Variants in NEDD9 observed in about 807,000 individuals in gnomAD.
NEDD9 encodes the protein neural precursor cell expressed, developmentally down-regulated 9.
In NEDD9, 26 loss-of-function variants were observed where a neutral mutation model predicts 76.6. The ratio of observed to expected loss-of-function variants is 0.34; its 90% CI spans 0.25 to 0.47. NEDD9 has a LOEUF of 0.47. NEDD9 is among the 20% of genes least tolerant of loss of function. NEDD9 has a pLI of 1.00. For synonymous variants in NEDD9, 392 were observed against 414.2 expected, an observed-to-expected ratio of 0.95 and a Z score of 0.65; for missense variants, 937 against 1,058.5, an observed-to-expected ratio of 0.89 and a Z score of 1.59.
intron 3 of NEDD9, among the ~76,000 whole-genome samples, chr6:11,246,654 A>C (rs569787800): frequency 6.6e-6 from 1 of 152,262 alleles, no homozygotes; most frequent in South Asian, 2.1e-4. Context: ...TCAGCTTACC[A>C]AAAATGAGAG....
At chr6:11,317,904 AGCAGGTGGCCCTCCCGAT>A (rs1227162759) in intron 2 of NEDD9, among the ~76,000 whole-genome samples, 1 of 152,192 alleles carries the variant, frequency 6.6e-6, no homozygotes. Context: ...AATTGAGTAA[AGCAGGTGGCCCTCCCGAT>A]GCAGGTGGGC....
chr6:11,276,269 A>G (rs969949234), intron 3 of NEDD9, among the ~76,000 whole-genome samples: 4 of 152,188 alleles, frequency 2.6e-5, no homozygotes, highest in African/African-American at 9.7e-5. Flanking sequence ...ATGCAAGTTA[A>G]TTATTATTAT....
intron 5 of NEDD9, among the ~76,000 whole-genome samples, chr6:11,188,897 A>G (rs1758050520): frequency 6.6e-6 from 1 of 152,088 alleles, no homozygotes; most frequent in African/African-American, 2.4e-5. Flanking sequence ...AAATTAAAAG[A>G]ATGGCAGAAT....
chr6:11,242,420 T>C (rs1250490821), intron 3 of NEDD9, among the ~76,000 whole-genome samples: 1 of 152,136 alleles, frequency 6.6e-6, no homozygotes, highest in Non-Finnish European at 1.5e-5. Flanking sequence ...TCTAACCTGC[T>C]TTTGGAGCTT....
At chr6:11,333,053 A>AG (rs1416178425) in intron 2 of NEDD9, among the ~76,000 whole-genome samples, 1 of 59,128 alleles carries the variant, frequency 1.7e-5, no homozygotes, top group Non-Finnish European at 3.2e-5. Context: ...AAAGGAAGGA[A>AG]GGAAGGAAGG....
intron 1 of NEDD9, among the ~76,000 whole-genome samples, chr6:11,368,286 A>G (rs1039273168): frequency 1.3e-5 from 2 of 152,254 alleles, no homozygotes; most frequent in African/African-American, 4.8e-5. Context: ...TAAAATAAAC[A>G]TAATTTAATC....
chr6:11,231,091 A>C lies in NEDD9; in HGVS notation c.12+1413T>G, dbSNP rs1024656906. ...AGGCTGAGTAATATCTGGTCCTATC[A>C]TTGTTCTAAATAAGGAAATATGGGG... is the stretch of plus-strand genomic sequence containing the variant. On this transcript the variant is annotated intron_variant, in intron 1 of 6. Coordinates refer to ENST00000379446, the MANE Select transcript of NEDD9 (RefSeq NM_006403.4). Among the ~76,000 whole-genome samples the C allele has an allele frequency of 2.6e-5, 4 of 152,200 alleles. No homozygotes were observed. In the South Asian group the frequency reaches 8.3e-4, roughly 31 times the overall value.
intron 1 of NEDD9, among the ~76,000 whole-genome samples, chr6:11,228,862 A>G (rs1034614314): frequency 6.6e-6 from 1 of 152,264 alleles, no homozygotes; most frequent in African/African-American, 2.4e-5. Flanking sequence ...TTTTAAATCC[A>G]TAGATCTCAT....
chr6:11,264,047 C>T (rs926925318), intron 3 of NEDD9, among the ~76,000 whole-genome samples: 1 of 152,326 alleles, frequency 6.6e-6, no homozygotes. Context: ...GGTAGAGCCT[C>T]CTTCATGGAA....
intron 1 of NEDD9, among the ~76,000 whole-genome samples, chr6:11,377,260 C>T (rs1025578646): frequency 3.3e-5 from 5 of 152,332 alleles, no homozygotes; most frequent in East Asian, 1.9e-4. Flanking sequence ...GGCTGCCACC[C>T]TCTAGAACCC....
chr6:11,193,723 T>G, intron 2 of NEDD9, 31 bp from the exon 3 acceptor site: 1 of 1,542,578 alleles, frequency 6.5e-7, no homozygotes, highest in Non-Finnish European at 9.0e-7. Flanking sequence ...AGGTGTAAAT[T>G]TCCAAGCCTG....
rs1758867429 is a variant in NEDD9, at chr6:11,213,905, T to TGG, written c.13-179_13-178insCC. ...AGACAAAAGACAGATACATATACAC[T>TGG]GCATCTGCCACCAGTGACATCAGAC... On this transcript the variant is annotated intron_variant, in intron 1 of 6. Coordinates refer to ENST00000379446, the MANE Select transcript of NEDD9 (RefSeq NM_006403.4). The surrounding 1 kb of genome is among the most constrained non-coding windows in gnomAD (Gnocchi z 5.4). Among the ~76,000 whole-genome samples, 5 of 152,332 alleles carry TGG rather than the reference T, an allele frequency of 3.3e-5. 1 individual carries two copies. The highest frequency in any genetic ancestry group is 1.2e-4 in the African/African-American group (5 of 41,570).
intron 1 of NEDD9, among the ~76,000 whole-genome samples, chr6:11,214,759 G>A (rs921160891): frequency 3.9e-5 from 6 of 152,194 alleles, no homozygotes; most frequent in Non-Finnish European, 7.3e-5. Context: ...CAGCGAAGTC[G>A]GGGACGTTGT....
intron 1 of NEDD9, among the ~76,000 whole-genome samples, chr6:11,348,633 T>C (rs1295116591): frequency 2.0e-5 from 3 of 152,096 alleles, no homozygotes; most frequent in African/African-American, 4.8e-5. Flanking sequence ...GCACCTACAA[T>C]CATCTGATCT....
intron 1 of NEDD9, among the ~76,000 whole-genome samples, chr6:11,220,117 C>G (rs1384282178): frequency 6.6e-6 from 1 of 152,158 alleles, no homozygotes; most frequent in Non-Finnish European, 1.5e-5. Context: ...ATGGAGCTCA[C>G]AGAAAGGCAA....
At chr6:11,285,510 A>C (rs1263297944) in intron 3 of NEDD9, among the ~76,000 whole-genome samples, 1 of 152,216 alleles carries the variant, frequency 6.6e-6, no homozygotes, top group African/African-American at 2.4e-5. Flanking sequence ...CTTCATATAG[A>C]AACACAAAGG....
chr6:11,231,979 CTG>C (rs1332585319), intron 1 of NEDD9, among the ~76,000 whole-genome samples: 1 of 152,172 alleles, frequency 6.6e-6, no homozygotes, highest in Non-Finnish European at 1.5e-5. Flanking sequence ...CCATCCTCAG[CTG>C]TGTAATCTGG....
At chr6:11,332,829 T>C (rs781574824) in intron 2 of NEDD9, among the ~76,000 whole-genome samples, 25 of 152,144 alleles carry the variant, frequency 1.6e-4, no homozygotes, top group Non-Finnish European at 2.8e-4. Flanking sequence ...TGGATGAGTT[T>C]CAGTGAACTG....
intron 1 of NEDD9, among the ~76,000 whole-genome samples, 185 bp downstream of exon 1, chr6:11,232,319 G>GTGGGTCTCAAAGAC (rs1251930401): frequency 6.6e-6 from 1 of 151,960 alleles, no homozygotes; most frequent in Non-Finnish European, 1.5e-5. Context: ...AACCCCTGGA[G>GTGGGTCTCAAAGAC]TGGGTCTCAA....
Sources: gnomAD v4.1 joint callset for allele counts (sites outside exome capture counted in the v4.1 genomes callset) on GRCh38, gnomAD v4.1.1 for gene constraint, Gnocchi (gnomAD v3.1) non-coding constraint, MANE v1.5 for transcripts, NCBI Gene and HGNC (gene_info 2026-07-23, HGNC 2026-07-21) for gene names.